CECR2: variants seen among roughly 807,000 people sequenced by gnomAD.
CECR2 encodes chromatin remodeling regulator CECR2.
In CECR2, 30 loss-of-function variants were observed where a neutral mutation model predicts 154.5. The ratio of observed to expected loss-of-function variants is 0.19; its 90% CI spans 0.15 to 0.26. The LOEUF is 0.26. Ranked by LOEUF, CECR2 falls within the 10% of genes least tolerant of loss-of-function variation. The pLI is 1.00. For missense variants in CECR2, 1,743 were observed against 1,829.3 expected (o/e 0.95, Z 0.86); for synonymous variants, 725 against 683.7 (o/e 1.06, Z -0.94).
intron 1 of CECR2, among the ~76,000 whole-genome samples, chr22:17,459,471 GT>G (rs567688735): frequency 6.6e-6 from 1 of 150,586 alleles, no homozygotes; most frequent in Admixed American, 6.6e-5. Context: ...TTTTGTGTGT[GT>G]TTTTTTTTGT....
intron 13 of CECR2, among the ~76,000 whole-genome samples, chr22:17,539,873 AC>A (rs1287023107): frequency 2.6e-5 from 4 of 152,042 alleles, no homozygotes; most frequent in African/African-American, 9.7e-5. Context: ...TCACTCTGTC[AC>A]CCAAGCAGGA....
intron 1 of CECR2, among the ~76,000 whole-genome samples, chr22:17,452,450 A>C (rs1334649928): frequency 3.9e-5 from 6 of 152,168 alleles, no homozygotes; most frequent in Admixed American, 3.9e-4. Flanking sequence ...ACCATCAAGT[A>C]TAAGAGGGAG....
At chr22:17,415,865 C>G (rs921159036) in intron 1 of CECR2, among the ~76,000 whole-genome samples, 1 of 152,152 alleles carries the variant, frequency 6.6e-6, no homozygotes, top group Non-Finnish European at 1.5e-5. Flanking sequence ...CCCATCAATC[C>G]GTCGGTCCAT....
chr22:17,377,161 C>G (rs1293121886), intron 1 of CECR2, among the ~76,000 whole-genome samples: 1 of 152,184 alleles, frequency 6.6e-6, no homozygotes, highest in East Asian at 1.9e-4. Context: ...CAGTTAGGGT[C>G]AAGGTTAGGA....
At chr22:17,488,659 A>C (rs1246420327) in intron 2 of CECR2, among the ~76,000 whole-genome samples, 1 of 152,088 alleles carries the variant, frequency 6.6e-6, no homozygotes, top group Non-Finnish European at 1.5e-5. Context: ...GGGGTGGGGG[A>C]CTAAATTGTA....
rs769530792 is a variant in CECR2 at position 17,548,204 on chromosome 22, G to T, written c.2917G>T (p.Val973Phe). The T allele has an allele frequency of 2.2e-5, 35 of 1,591,454 alleles. No homozygotes were observed. The Middle Eastern group carries it at 4.9e-4, about 22-fold the overall frequency. ...KPPGVGTSEG[V>F]YLTQLPHPTP... is the part of the protein sequence containing the mutation. ...ACCAGGTGTTGGTACTTCAGAGGGG[G>T]TCTACCTCACACAACTACCTCACCC... Residue 973 changes from valine (V) to phenylalanine (F), a missense_variant, in exon 17 of 19, where the codon GTC becomes TTC. Physicochemically the swap from Val to Phe is conservative, Grantham distance 50 (BLOSUM62 -1). Coordinates refer to ENST00000262608, the MANE Select transcript of CECR2 (RefSeq NM_001290047.2).
At chr22:17,377,868 C>T (rs2063135035) in intron 1 of CECR2, among the ~76,000 whole-genome samples, 1 of 152,204 alleles carries the variant, frequency 6.6e-6, no homozygotes, top group South Asian at 2.1e-4. Flanking sequence ...TAAGAGTGAG[C>T]TCCAGATTGT....
At chr22:17,551,933 G>A (rs2056714181) in intron 17 of CECR2, 98 bp from the exon 18 acceptor site, 5 of 1,102,038 alleles carry the variant, frequency 4.5e-6, no homozygotes, top group Admixed American at 3.9e-5. Flanking sequence ...TGATCACCGG[G>A]GTGATGAAGG....
intron 2 of CECR2, among the ~76,000 whole-genome samples, chr22:17,488,206 C>G (rs1432590888): frequency 1.3e-5 from 2 of 152,132 alleles, no homozygotes; most frequent in East Asian, 3.9e-4. Context: ...AATTATGGAT[C>G]TAGCATTGCG....
At chr22:17,463,087 C>T (rs28581775) in intron 1 of CECR2, among the ~76,000 whole-genome samples, 6,075 of 152,108 alleles carry the variant, frequency 0.04, 198 homozygotes, top group South Asian at 0.13. Context: ...AGTAGAGGGA[C>T]GAGACAGTGA....
At chr22:17,432,563 T>C (rs777047333) in intron 1 of CECR2, among the ~76,000 whole-genome samples, 1 of 152,244 alleles carries the variant, frequency 6.6e-6, no homozygotes, top group Non-Finnish European at 1.5e-5. Flanking sequence ...CCAAAGTCAC[T>C]GCATTACTTT....
At chr22:17,411,707 C>T (rs2054070424) in intron 1 of CECR2, among the ~76,000 whole-genome samples, 1 of 152,094 alleles carries the variant, frequency 6.6e-6, no homozygotes, top group East Asian at 1.9e-4. Flanking sequence ...TAAAACAGCA[C>T]CTTTCTCTTT....
chr22:17,507,998 C>T (rs1357156053), intron 7 of CECR2, among the ~76,000 whole-genome samples: 1 of 152,126 alleles, frequency 6.6e-6, no homozygotes, highest in Non-Finnish European at 1.5e-5. Flanking sequence ...AAAGAAATAA[C>T]TGGAAGCTAC....
At chr22:17,538,921 C>T (rs1227547855) in intron 12 of CECR2, 72 bp from the exon 13 acceptor site, 15 of 1,524,832 alleles carry the variant, frequency 9.8e-6, no homozygotes, top group African/African-American at 5.5e-5. Flanking sequence ...CATTATCTCT[C>T]TGTCTCTCTC....
upstream of CECR2, among the ~76,000 whole-genome samples, chr22:17,368,016 C>G (rs1478193819): frequency 6.6e-6 from 1 of 152,018 alleles, no homozygotes; most frequent in African/African-American, 2.4e-5. Context: ...TTTTTCTGTG[C>G]CAGGAGAGAG....
rs1449682058 is a variant in CECR2 at position 17,405,458 on chromosome 22, T to TATAAA, written c.126+35563_126+35567dup. 4.8e-3 allele frequency among the ~76,000 whole-genome samples: 534 copies of TATAAA among 110,970 alleles called. 3 individuals are homozygous for TATAAA. The highest frequency in any genetic ancestry group is 0.016 in the African/African-American group (500 of 31,242). 72.8% of individuals were successfully genotyped at this position (110,970 alleles called of 152,430 possible). A position where few individuals can be genotyped will look rare whatever the true frequency, so the allele number is the denominator to read the frequency against. ...AGATAAAATAAGATAAAATAAAAAA[T>TATAAA]ATAAAATAAAATAAAATATAAAATA... On this transcript the variant is annotated intron_variant, in intron 1 of 18. Transcript: ENST00000262608.
chr22:17,493,501 A>T (rs542130712), intron 2 of CECR2, among the ~76,000 whole-genome samples: 1 of 151,762 alleles, frequency 6.6e-6, no homozygotes, highest in African/African-American at 2.4e-5. Flanking sequence ...TTCCCCATTC[A>T]CTCTCTGATG....
intron 1 of CECR2, among the ~76,000 whole-genome samples, chr22:17,377,848 G>A (rs1297209557): frequency 6.6e-6 from 1 of 152,234 alleles, no homozygotes. Context: ...AGGAATGAAT[G>A]ATTGGAAAGT....
At chr22:17,512,824 A>C (rs1272065355) in intron 8 of CECR2, among the ~76,000 whole-genome samples, 3 of 151,986 alleles carry the variant, frequency 2.0e-5, no homozygotes, top group Non-Finnish European at 2.9e-5. Context: ...GGAATGAGAG[A>C]GCGTGGATCT....
Sources: allele counts gnomAD v4.1 joint callset (sites outside exome capture counted in the v4.1 genomes callset), GRCh38; gene constraint gnomAD v4.1.1; transcripts MANE v1.5; gene names NCBI Gene and HGNC (gene_info 2026-07-23, HGNC 2026-07-21).